PGAP1: variants seen among roughly 807,000 people sequenced by gnomAD.
PGAP1 encodes post-GPI attachment to proteins inositol deacylase 1.
A neutral mutation model predicts 127.0 loss-of-function variants in PGAP1; 76 were observed. That is an observed-to-expected ratio of 0.60 (90% CI 0.50 to 0.72). The LOEUF is 0.72. Ranked by LOEUF, PGAP1 falls within the 30% of genes least tolerant of loss-of-function variation. The pLI is 0.00. For missense variants in PGAP1, 982 were observed against 1,071.3 expected, an observed-to-expected ratio of 0.92 and a Z score of 1.16; for synonymous variants, 362 against 366.5, an observed-to-expected ratio of 0.99 and a Z score of 0.14.
At position 196,839,206 on chromosome 2, in the gene PGAP1, A is replaced by G. The variant is rs1362525909; in HGVS notation, c.*2028T>C. The G allele has an allele frequency of 2.0e-5, 3 of 152,664 alleles. No individual in the cohort carries two copies. Among genetic ancestry groups the G allele is most frequent in the South Asian group, 2.1e-4 (1 of 4,828 alleles). 9.5% of individuals were successfully genotyped at this position (152,664 alleles called of 1,614,324 possible). ...GAAGATCCAAATTAATGAATTTTCT[A>G]AAGTTCTTTCTGTATATGGAACTAA... On this transcript the variant is annotated 3_prime_UTR_variant, in exon 27 of 27. Coordinates refer to ENST00000354764, the MANE Select transcript of PGAP1 (RefSeq NM_024989.4).
chr2:196,892,920 T>C (rs1702149077), intron 8 of PGAP1, among the ~76,000 whole-genome samples: 1 of 152,006 alleles, frequency 6.6e-6, no homozygotes, highest in Non-Finnish European at 1.5e-5. Flanking sequence ...CAAGACAAAA[T>C]TTTTACCAGC....
chr2:196,849,504 G>A (rs1700657467), intron 20 of PGAP1, among the ~76,000 whole-genome samples: 1 of 150,900 alleles, frequency 6.6e-6, no homozygotes, highest in South Asian at 2.1e-4. Context: ...TGGATCTCCC[G>A]ACCTCGTGAT....
chr2:196,912,092 G>T (rs943425966), intron 4 of PGAP1, among the ~76,000 whole-genome samples: 2 of 151,988 alleles, frequency 1.3e-5, no homozygotes, highest in Admixed American at 6.6e-5. Flanking sequence ...CTACCTCATG[G>T]GACTGCAGTA....
chr2:196,888,506 A>G (rs1225282455), intron 10 of PGAP1, among the ~76,000 whole-genome samples: 2 of 152,212 alleles, frequency 1.3e-5, no homozygotes, highest in African/African-American at 4.8e-5. Flanking sequence ...CAGTTTACAG[A>G]AAACATAGGG....
chr2:196,889,985 G>A (rs1159898770), intron 10 of PGAP1, among the ~76,000 whole-genome samples: 1 of 151,748 alleles, frequency 6.6e-6, no homozygotes, highest in Non-Finnish European at 1.5e-5. Flanking sequence ...CCAGGCTGGA[G>A]CGCTAGTGGC....
intron 4 of PGAP1, among the ~76,000 whole-genome samples, chr2:196,912,580 TAAAAAAAAAAAAAA>T (rs531959600): frequency 1.2e-5 from 1 of 82,480 alleles, no homozygotes. Flanking sequence ...ACCCTGTCTT[TAAAAAAAAAAAAAA>T]AAAAAAAAAA....
At chr2:196,845,148 T>C (rs1318803315) in intron 23 of PGAP1, among the ~76,000 whole-genome samples, 2 of 151,980 alleles carry the variant, frequency 1.3e-5, no homozygotes, top group Non-Finnish European at 2.9e-5. Context: ...ATACTAAAAT[T>C]ATTATTTATA....
intron 19 of PGAP1, among the ~76,000 whole-genome samples, chr2:196,865,649 A>G (rs1701215717): frequency 6.6e-6 from 1 of 152,214 alleles, no homozygotes; most frequent in African/African-American, 2.4e-5. Flanking sequence ...ACAAGTTATG[A>G]GAAAATGTTA....
chr2:196,873,883 T>C, intron 14 of PGAP1, 125 bp from the exon 15 acceptor site: 2 of 640,432 alleles, frequency 3.1e-6, no homozygotes, highest in South Asian at 4.7e-5. Flanking sequence ...TTCACTTCTG[T>C]ATGGAGTTAA....
chr2:196,926,127 T>G (rs575438136), intron 1 of PGAP1, among the ~76,000 whole-genome samples: 1 of 152,110 alleles, frequency 6.6e-6, no homozygotes, highest in African/African-American at 2.4e-5. Context: ...GCTGCCTCTC[T>G]GGGCATGAGG....
At chr2:196,873,983 G>T in intron 14 of PGAP1, 1 of 392,100 alleles carries the variant, frequency 2.6e-6, no homozygotes, top group Non-Finnish European at 4.5e-6. Flanking sequence ...AAAAAAGTCA[G>T]GTATATAATT....
At chr2:196,843,799 T>C (rs1700480923) in intron 25 of PGAP1, 89 bp downstream of exon 25, 1 of 767,464 alleles carries the variant, frequency 1.3e-6, no homozygotes. Context: ...TGAGGAATTT[T>C]CATTAACCAT....
chr2:196,847,238 C>T, intron 21 of PGAP1, 38 bp from the exon 22 acceptor site: 2 of 1,497,916 alleles, frequency 1.3e-6, no homozygotes, highest in South Asian at 1.2e-5. Flanking sequence ...AAAAACCCAA[C>T]AACTGAAATT....
intron 13 of PGAP1, among the ~76,000 whole-genome samples, chr2:196,879,689 T>C (rs1220049737): frequency 6.6e-6 from 1 of 152,092 alleles, no homozygotes; most frequent in African/African-American, 2.4e-5. Flanking sequence ...AGCAAGACTC[T>C]TTCTCAAAAA....
Position 196,835,042 on chromosome 2 carries a change from A to G in PGAP1, c.*6192T>C, listed in dbSNP as rs929583364. On this transcript the variant is annotated 3_prime_UTR_variant, in exon 27 of 27. Coordinates refer to ENST00000354764, the MANE Select transcript of PGAP1 (RefSeq NM_024989.4). ...TACTTAGTAATATTAAATTATGGGGAAAACTATAATATGAGGAACTGAAAT... is the reference window on the plus strand; with the variant it reads ...TACTTAGTAATATTAAATTATGGGGGAAACTATAATATGAGGAACTGAAAT... The G allele has an allele frequency of 3.9e-5, 6 of 151,986 alleles. No homozygotes were observed. Among genetic ancestry groups the G allele is most frequent in the African/African-American group, 1.4e-4 (6 of 41,436 alleles). 9.4% of individuals were successfully genotyped at this position (151,986 alleles called of 1,614,324 possible). A position where few individuals can be genotyped will look rare whatever the true frequency, so the allele number is the denominator to read the frequency against.
At position 196,912,768 on chromosome 2, in the gene PGAP1, T is replaced by A. The variant is rs1371857482; in HGVS notation, c.649+114A>T. ...TTGGAGGTGCTGATTTGCAACTGAGTTGCTTCATACATGGATAAATCTGTA... is the reference window on the plus strand; with the variant it reads ...TTGGAGGTGCTGATTTGCAACTGAGATGCTTCATACATGGATAAATCTGTA... On this transcript the variant is annotated intron_variant, in intron 4 of 26. Coordinates refer to ENST00000354764, the MANE Select transcript of PGAP1 (RefSeq NM_024989.4). The A allele has an allele frequency of 5.5e-6, 5 of 912,488 alleles. No individual in the cohort carries two copies. In the African/African-American group the frequency reaches 6.9e-5, roughly 13 times the overall value. The allele number at this position is 912,488 out of a possible 1,614,324, so 56.5% of individuals were successfully genotyped here. A position where few individuals can be genotyped will look rare whatever the true frequency, so the allele number is the denominator to read the frequency against.
intron 17 of PGAP1, 77 bp from the exon 18 acceptor site, chr2:196,872,626 C>A (rs779814830): frequency 1.8e-5 from 18 of 988,840 alleles, no homozygotes; most frequent in Non-Finnish European, 2.5e-5. Flanking sequence ...ATCCTCAGCA[C>A]AATACAACTG....
At chr2:196,871,056 T>C (rs1051586397) in intron 18 of PGAP1, 77 bp from the exon 19 acceptor site, 2 of 983,888 alleles carry the variant, frequency 2.0e-6, no homozygotes, top group South Asian at 1.4e-5. Flanking sequence ...TGAGCACTTA[T>C]GCATATCTCT....
rs749729836 is a variant in PGAP1, at chr2:196,902,697, T to C, written c.695A>G (p.His232Arg). 1.1e-5 allele frequency: 18 copies of C among 1,612,560 alleles called. No individual in the cohort carries two copies. Among genetic ancestry groups the C allele is most frequent in the Middle Eastern group, 1.7e-4 (1 of 6,060 alleles). ...TACAGAAAGTGTGGTTAAATTTATG[T>C]GTCGAGCATTTAGAATCCAATAGTT... Reference protein sequence around the residue: ...VNNYWILNARHINLTTLSVAG... With the variant: ...VNNYWILNARRINLTTLSVAG... The change falls in exon 5 of 27, where the codon CAC (histidine) becomes CGC (arginine). Residue 232 changes from histidine to arginine, a missense_variant. Physicochemically the swap from His to Arg is conservative, Grantham distance 29. Transcript: ENST00000354764.
Sources: allele counts gnomAD v4.1 joint callset (sites outside exome capture counted in the v4.1 genomes callset), GRCh38; gene constraint gnomAD v4.1.1; transcripts MANE v1.5; gene names NCBI Gene and HGNC (gene_info 2026-07-23, HGNC 2026-07-21).